Variants in TBC1D30 observed in about 807,000 individuals in gnomAD.
TBC1D30 encodes TBC1 domain family member 30, also known as TBC1 domain family, member 30.
Under a neutral mutation model 63.2 loss-of-function variants are expected in TBC1D30, and 31 were observed. The ratio of observed to expected loss-of-function variants is 0.49; its 90% confidence interval spans 0.37 to 0.66. The LOEUF (loss-of-function observed/expected upper bound fraction) is 0.66. TBC1D30 is among the 30% of genes least tolerant of loss of function. The pLI, the probability that TBC1D30 is intolerant of heterozygous loss-of-function variation, is 0.00. For synonymous variants in TBC1D30, 307 were observed against 361.5 expected (o/e 0.85, Z 1.71); for missense variants, 810 against 953.6 (o/e 0.85, Z 1.98).
intron 8 of TBC1D30, among the ~76,000 whole-genome samples, chr12:64,851,710 G>A (rs7959857): frequency 1.2e-3 from 186 of 152,268 alleles, no homozygotes; most frequent in African/African-American, 4.3e-3. Context: ...CTCTTGTGAG[G>A]CAGGCCTGGT....
intron 1 of TBC1D30, among the ~76,000 whole-genome samples, chr12:64,769,470 C>T (rs555584607): frequency 4.0e-5 from 6 of 151,788 alleles, no homozygotes; most frequent in East Asian, 3.9e-4. Context: ...CTCCACCTCC[C>T]GGATTCAAGC....
At chr12:64,819,642 C>G (rs970061404) in intron 2 of TBC1D30, among the ~76,000 whole-genome samples, 1 of 151,952 alleles carries the variant, frequency 6.6e-6, no homozygotes, top group Admixed American at 6.6e-5. Context: ...GTCAGTCTCC[C>G]GAAGTGCTGA....
intron 1 of TBC1D30, among the ~76,000 whole-genome samples, chr12:64,763,606 A>G (rs937413930): frequency 2.7e-5 from 4 of 148,248 alleles, no homozygotes; most frequent in African/African-American, 9.9e-5. Flanking sequence ...TTTGTATCCT[A>G]TTAATTTTTT....
chr12:64,781,384 G>T, intron 1 of TBC1D30: 1 of 1,006,394 alleles, frequency 9.9e-7, no homozygotes, highest in Non-Finnish European at 1.2e-6. Context: ...GCTGCTCGGC[G>T]GAGCGCTCAG....
At chr12:64,831,380 T>C (rs1565663992) in intron 4 of TBC1D30, among the ~76,000 whole-genome samples, 1 of 152,272 alleles carries the variant, frequency 6.6e-6, no homozygotes, top group Non-Finnish European at 1.5e-5. Context: ...TTCGCAGAGA[T>C]GAAGTATCTC....
At chr12:64,764,111 A>G (rs941349959) in intron 1 of TBC1D30, among the ~76,000 whole-genome samples, 1 of 152,218 alleles carries the variant, frequency 6.6e-6, no homozygotes, top group Non-Finnish European at 1.5e-5. Flanking sequence ...AATTGCTCAT[A>G]GGTTTTCCTG....
At chr12:64,796,935 T>G (rs1872311581) in intron 2 of TBC1D30, among the ~76,000 whole-genome samples, 1 of 149,902 alleles carries the variant, frequency 6.7e-6, no homozygotes, top group South Asian at 2.1e-4. Context: ...ATTTTTCCTA[T>G]GTCAACAGCA....
At chr12:64,830,609 G>A in intron 4 of TBC1D30, 107 bp downstream of exon 4, 1 of 1,071,918 alleles carries the variant, frequency 9.3e-7, no homozygotes, top group Non-Finnish European at 1.2e-6. Flanking sequence ...TGGTTTGAAT[G>A]TCTGTATATT....
chr12:64,842,508 A>G (rs1220787773), intron 7 of TBC1D30, among the ~76,000 whole-genome samples: 1 of 152,204 alleles, frequency 6.6e-6, no homozygotes, highest in Non-Finnish European at 1.5e-5. Context: ...CTTTATTTAC[A>G]TGTAGAACTG....
intron 8 of TBC1D30, among the ~76,000 whole-genome samples, chr12:64,859,166 G>A (rs758644505): frequency 5.3e-5 from 8 of 152,004 alleles, no homozygotes; most frequent in Non-Finnish European, 1.0e-4. Context: ...CTGGTGCAGA[G>A]TGGAGAGTCA....
intron 10 of TBC1D30, chr12:64,868,120 T>A (rs900725348): frequency 1.8e-5 from 3 of 170,802 alleles, no homozygotes; most frequent in East Asian, 1.6e-4. Flanking sequence ...ACAGTATAGA[T>A]CTCATGAATC....
rs113198915 is a variant in TBC1D30, at chr12:64,876,498, C to T, written c.*710C>T. The T allele has an allele frequency of 5.5e-3, 1,609 of 290,756 alleles. 23 individuals carry two copies. The highest frequency in any genetic ancestry group is 0.033 in the African/African-American group (1,505 of 46,220). 18.0% of individuals were successfully genotyped at this position (290,756 alleles called of 1,614,324 possible). ...ACTTGGCATATGCTTTACGCAGTTG[C>T]TCCGGACAGCTTGCTCGCGCCACTG... On this transcript the variant is annotated 3_prime_UTR_variant, in exon 12 of 12. Coordinates refer to ENST00000539867, the MANE Select transcript of TBC1D30 (RefSeq NM_015279.2).
chr12:64,768,988 C>T (rs926395954), intron 1 of TBC1D30, among the ~76,000 whole-genome samples: 7 of 152,026 alleles, frequency 4.6e-5, no homozygotes, highest in Admixed American at 1.3e-4. Flanking sequence ...AAAACCCCAT[C>T]GCTACAATAA....
At position 64,838,679 on chromosome 12, in the gene TBC1D30, T is replaced by G. The variant is rs769843778; in HGVS notation, c.764-4T>G. 2.6e-6 allele frequency: 4 copies of G among 1,536,330 alleles called. No homozygotes were observed. The South Asian group carries it at 4.8e-5, about 18-fold the overall frequency. The stretch of plus-strand genomic sequence containing the variant: ...AGGAATTGAATGTGTTTGTTTTATT[T>G]CAGGTGGATATGAGCCCCCACTTAC... On this transcript the variant is annotated splice_polypyrimidine_tract_variant and splice_region_variant and intron_variant, in intron 6 of 11. Coordinates refer to ENST00000539867, the MANE Select transcript of TBC1D30 (RefSeq NM_015279.2).
At chr12:64,800,297 C>A (rs963433406) in intron 2 of TBC1D30, among the ~76,000 whole-genome samples, 1 of 152,146 alleles carries the variant, frequency 6.6e-6, no homozygotes, top group Non-Finnish European at 1.5e-5. Flanking sequence ...GAAGTTGAGA[C>A]TGGAGTTTAG....
At chr12:64,830,624 G>T in intron 4 of TBC1D30, 122 bp downstream of exon 4, 1 of 950,548 alleles carries the variant, frequency 1.1e-6, no homozygotes, top group East Asian at 2.8e-5. Context: ...TATATTTTCT[G>T]CCTTCTCATT....
intron 3 of TBC1D30, among the ~76,000 whole-genome samples, chr12:64,829,093 T>A (rs1874618781): frequency 6.6e-6 from 1 of 151,736 alleles, no homozygotes; most frequent in Non-Finnish European, 1.5e-5. Context: ...ATGTGGTGGG[T>A]TGAGGGGTGG....
At chr12:64,829,336 T>TGGAAATC (rs1198270561) in intron 3 of TBC1D30, among the ~76,000 whole-genome samples, 1 of 152,162 alleles carries the variant, frequency 6.6e-6, no homozygotes, top group Non-Finnish European at 1.5e-5. Flanking sequence ...GTAGTGGAGA[T>TGGAAATC]GGAAATCCTA....
chr12:64,825,144 G>A, intron 1 of TBC1D30, 111 bp downstream of exon 1: 2 of 1,385,588 alleles, frequency 1.4e-6, no homozygotes, highest in Non-Finnish European at 1.9e-6. Flanking sequence ...GAAAGTCCGC[G>A]TGCCACCTGG....
Sources: allele counts gnomAD v4.1 joint callset (sites outside exome capture counted in the v4.1 genomes callset), GRCh38; gene constraint gnomAD v4.1.1; transcripts MANE v1.5; gene names NCBI Gene and HGNC (gene_info 2026-07-23, HGNC 2026-07-21).